BRINP3: variants seen among roughly 807,000 people sequenced by gnomAD.
The protein encoded by BRINP3 is BMP/retinoic acid-inducible neural-specific protein 3.
BRINP3 carries 19 observed loss-of-function variants against 71.0 expected under a neutral mutation model. The observed-to-expected ratio is 0.27, with a 90% CI of 0.19 to 0.39. BRINP3 has a LOEUF of 0.39. Among genes scored for constraint, BRINP3 ranks in the 10% least tolerant of loss-of-function variants. The probability of loss-of-function intolerance (pLI) is 1.00; values close to 1 mark genes in which losing one functional copy is unlikely to be tolerated. For missense variants in BRINP3, 959 were observed against 940.8 expected (o/e 1.02, Z -0.25); for synonymous variants, 380 against 337.7 (o/e 1.13, Z -1.37).
At chr1:190,450,118 G>C (rs1004783161) in intron 2 of BRINP3, among the ~76,000 whole-genome samples, 1 of 152,006 alleles carries the variant, frequency 6.6e-6, no homozygotes, top group Non-Finnish European at 1.5e-5. Flanking sequence ...TTCCAAACAT[G>C]GTGAGAGAGA....
chr1:190,107,312 T>C (rs895123535), intron 7 of BRINP3, among the ~76,000 whole-genome samples: 2 of 152,000 alleles, frequency 1.3e-5, no homozygotes, highest in Admixed American at 1.3e-4. Flanking sequence ...CTCAATAACA[T>C]ATTTTCCACA....
In BRINP3 at chr1:190,413,619, G is replaced by C. The variant is rs1404764647; in HGVS notation, c.236+41036C>G. Among the ~76,000 whole-genome samples, 25 of 152,138 alleles carry C rather than the reference G, an allele frequency of 1.6e-4. 1 individual carries two copies. The highest frequency in any genetic ancestry group is 1.6e-3 in the Admixed American group (25 of 15,280). On this transcript the variant is annotated intron_variant, in intron 2 of 7. Transcript: ENST00000367462. ...AGCCACCAGTAACTGGACTAAGCAA[G>C]GAATGGATTGTCTCCTAGAGTCTTC...
At chr1:190,265,630 C>A (rs545246853) in intron 3 of BRINP3, among the ~76,000 whole-genome samples, 4 of 150,836 alleles carry the variant, frequency 2.7e-5, no homozygotes, top group African/African-American at 9.7e-5. Context: ...AGAAGAATGG[C>A]GTGAACCCGG....
intron 6 of BRINP3, among the ~76,000 whole-genome samples, chr1:190,168,799 A>C (rs1254180666): frequency 1.3e-5 from 2 of 152,190 alleles, no homozygotes; most frequent in Non-Finnish European, 2.9e-5. Context: ...ACATAGAGTC[A>C]TTCTAATTAA....
intron 4 of BRINP3, among the ~76,000 whole-genome samples, chr1:190,241,778 T>G (rs1180823614): frequency 6.6e-6 from 1 of 151,876 alleles, no homozygotes; most frequent in African/African-American, 2.4e-5. Flanking sequence ...AGTACAATCT[T>G]TTCTGTTACC....
intron 7 of BRINP3, among the ~76,000 whole-genome samples, chr1:190,155,109 A>T (rs1656752213): frequency 6.6e-6 from 1 of 152,124 alleles, no homozygotes; most frequent in South Asian, 2.1e-4. Context: ...CTACTGAAAT[A>T]TGTCAGCATT....
chr1:190,379,376 T>C (rs1354283741), intron 2 of BRINP3, among the ~76,000 whole-genome samples: 1 of 151,984 alleles, frequency 6.6e-6, no homozygotes, highest in Non-Finnish European at 1.5e-5. Flanking sequence ...GTACAAACAA[T>C]AACCAATGAA....
intron 2 of BRINP3, among the ~76,000 whole-genome samples, chr1:190,341,581 C>T (rs554505648): frequency 1.3e-5 from 2 of 151,722 alleles, no homozygotes; most frequent in South Asian, 2.1e-4. Flanking sequence ...TGAGTAAAGA[C>T]CACACATATA....
At chr1:190,115,660 A>C (rs1178177887) in intron 7 of BRINP3, among the ~76,000 whole-genome samples, 1 of 152,154 alleles carries the variant, frequency 6.6e-6, no homozygotes, top group Non-Finnish European at 1.5e-5. Flanking sequence ...CTGCCTCACC[A>C]ACCTCAGTGG....
chr1:190,106,569 A>T (rs1411272315), intron 7 of BRINP3, among the ~76,000 whole-genome samples: 1 of 151,608 alleles, frequency 6.6e-6, no homozygotes, highest in Non-Finnish European at 1.5e-5. Context: ...ATGAATAAAT[A>T]CATTAATTAA....
At chr1:190,231,179 C>CT (rs1185492723) in intron 5 of BRINP3, among the ~76,000 whole-genome samples, 2 of 151,554 alleles carry the variant, frequency 1.3e-5, no homozygotes, top group South Asian at 4.1e-4. Flanking sequence ...CTTAATAGGA[C>CT]TTTTTTTGTC....
At chr1:190,181,109 T>C (rs551540309) in intron 6 of BRINP3, among the ~76,000 whole-genome samples, 3 of 152,200 alleles carry the variant, frequency 2.0e-5, no homozygotes, top group South Asian at 4.1e-4. Context: ...GTTTTTATCT[T>C]CATAACTTTT....
At position 190,141,986 on chromosome 1, in the gene BRINP3, A is replaced by G. The variant is rs530613459; in HGVS notation, c.1184+18682T>C. On this transcript the variant is annotated intron_variant, in intron 7 of 7. Transcript: ENST00000367462. The stretch of plus-strand genomic sequence containing the variant: ...AATATGAATAAAAGTTTAAAAAGTA[A>G]AAAGTAAACATGAAAAGAAAAAACA... Among the ~76,000 whole-genome samples the G allele has an allele frequency of 3.3e-5, 5 of 152,304 alleles. No individual in the cohort carries two copies. The East Asian group carries it at 9.6e-4, about 29-fold the overall frequency.
chr1:190,099,262 A>G, intron 7 of BRINP3, 128 bp from the exon 8 acceptor site: 2 of 878,352 alleles, frequency 2.3e-6, no homozygotes, highest in Non-Finnish European at 3.4e-6. Context: ...TAAATGAAAT[A>G]AAAGATTCAT....
intron 2 of BRINP3, among the ~76,000 whole-genome samples, chr1:190,400,494 CG>C (rs761128952): frequency 4.6e-5 from 7 of 152,070 alleles, no homozygotes; most frequent in Admixed American, 4.6e-4. Flanking sequence ...AGGAAAATTC[CG>C]GTTGTTTCAA....
At chr1:190,170,030 G>T (rs1651876565) in intron 6 of BRINP3, among the ~76,000 whole-genome samples, 1 of 152,100 alleles carries the variant, frequency 6.6e-6, no homozygotes, top group Admixed American at 6.6e-5. Flanking sequence ...TCTGAAAAAA[G>T]TAAGGCTCCT....
intron 2 of BRINP3, among the ~76,000 whole-genome samples, chr1:190,425,533 G>A (rs1352268147): frequency 4.0e-5 from 6 of 151,752 alleles, no homozygotes; most frequent in Non-Finnish European, 8.9e-5. Flanking sequence ...TCAAAGAAGT[G>A]TGAATTTTTA....
At position 190,160,535 on chromosome 1, in the gene BRINP3, T is replaced by G. The variant is rs539151831; in HGVS notation, c.1184+133A>C. On this transcript the variant is annotated intron_variant, in intron 7 of 7. Transcript: ENST00000367462. ...TAATTTATTATTTGAGACAATATAT[T>G]GTTTTCAAATTATCTCTAATAGTAT... The G allele has an allele frequency of 1.7e-4, 95 of 550,532 alleles. No individual in the cohort carries two copies. In the East Asian group the frequency reaches 3.2e-3, roughly 19 times the overall value. 34.1% of individuals were successfully genotyped at this position (550,532 alleles called of 1,614,324 possible). A position where few individuals can be genotyped will look rare whatever the true frequency, so the allele number is the denominator to read the frequency against.
intron 7 of BRINP3, among the ~76,000 whole-genome samples, chr1:190,118,365 C>T (rs1176074727): frequency 6.6e-6 from 1 of 152,060 alleles, no homozygotes; most frequent in African/African-American, 2.4e-5. Context: ...ATGATATTGA[C>T]TTATTGACTG....
Sources: allele counts gnomAD v4.1 joint callset (sites outside exome capture counted in the v4.1 genomes callset), GRCh38; gene constraint gnomAD v4.1.1; transcripts MANE v1.5; gene names NCBI Gene and HGNC (gene_info 2026-07-23, HGNC 2026-07-21).